ZNF263: variants seen among roughly 807,000 people sequenced by gnomAD.
ZNF263 encodes zinc finger protein 263.
ZNF263 carries 49 observed loss-of-function variants against 63.1 expected under a neutral mutation model. The ratio of observed to expected loss-of-function variants is 0.78; its 90% CI spans 0.62 to 0.99. The LOEUF (loss-of-function observed/expected upper bound fraction) is 0.99, where lower values mean the gene tolerates loss of function less well. ZNF263 is among the 50% of genes least tolerant of loss of function. The probability of loss-of-function intolerance (pLI) is 0.00; values close to 1 mark genes in which losing one functional copy is unlikely to be tolerated. For synonymous variants in ZNF263, 352 were observed against 324.2 expected (o/e 1.09, Z -0.92); for missense variants, 872 against 854.8 (o/e 1.02, Z -0.25).
chr16:3,284,964 G>C, intron 1 of ZNF263, 95 bp from the exon 2 acceptor site: 1 of 1,470,336 alleles, frequency 6.8e-7, no homozygotes, highest in Admixed American at 1.9e-5. Context: ...GATCGCCTGA[G>C]GTTCTCTGTT....
intron 1 of ZNF263, among the ~76,000 whole-genome samples, chr16:3,284,701 C>T (rs1959275209): frequency 1.3e-5 from 2 of 152,180 alleles, no homozygotes; most frequent in South Asian, 2.1e-4. Context: ...TAATTGTGAA[C>T]TTTGAAAGAT....
chr16:3,289,643 A>G lies in ZNF263; in HGVS notation c.1137A>G (p.Leu379=). The change falls in exon 6 of 6, where the codon TTA becomes TTG. Residue 379 remains leucine, a synonymous_variant. Transcript: ENST00000219069. ...PKELQPKKLH[L]CPLCGKNFSN... is the part of the protein sequence containing the mutation. ...AACTGCAGCCAAAGAAACTCCATTT[A>G]TGTCCCTTGTGTGGCAAAAATTTCT... is the stretch of plus-strand genomic sequence containing the variant. 1.2e-6 allele frequency: 2 copies of G among 1,614,230 alleles called. No homozygotes were observed. The highest frequency in any genetic ancestry group is 1.7e-6 in the Non-Finnish European group (2 of 1,180,044).
At chr16:3,300,227 G>A (rs767003342) in intron 2 of ZNF263, 46 of 1,614,044 alleles carry the variant, frequency 2.8e-5, no homozygotes, top group Non-Finnish European at 3.5e-5. Context: ...TGCCGATTTC[G>A]AAATCTAAAA....
At position 3,289,573 on chromosome 16, in the gene ZNF263, C is replaced by A. The variant is rs369060248; in HGVS notation, c.1067C>A (p.Ala356Asp). Residue 356 changes from alanine (A) to aspartate (D), a missense_variant, in exon 6 of 6, where the codon GCC becomes GAC. Transcript: ENST00000219069. Reference protein sequence around the residue: ...APPPEGGMEQALAGASSGREL... With the variant: ...APPPEGGMEQDLAGASSGREL... The stretch of plus-strand genomic sequence containing the variant: ...CCCCCAGAGGGTGGAATGGAGCAGG[C>A]CTTGGCAGGAGCCTCAAGTGGCAGA... 3.1e-6 allele frequency: 5 copies of A among 1,613,576 alleles called. No individual in the cohort carries two copies. Among genetic ancestry groups the A allele is most frequent in the Non-Finnish European group, 4.2e-6 (5 of 1,179,802 alleles).
downstream of ZNF263, among the ~76,000 whole-genome samples, chr16:3,294,091 A>G (rs1959684995): frequency 1.3e-5 from 2 of 152,020 alleles, no homozygotes; most frequent in Non-Finnish European, 2.9e-5. Flanking sequence ...ACGCCTGGCT[A>G]ATTTTTTCTA....
Position 3,288,496 on chromosome 16 carries a change from G to A in ZNF263, c.812G>A (p.Gly271Glu). 2.5e-6 allele frequency: 4 copies of A among 1,613,008 alleles called. No individual in the cohort carries two copies. The highest frequency in any genetic ancestry group is 3.4e-6 in the Non-Finnish European group (4 of 1,179,416). The change falls in exon 5 of 6, where the codon GGA becomes GAA. Residue 271 changes from glycine (G) to glutamate (E), a missense_variant. Transcript: ENST00000219069. ...CAGGAGGTCCCAGGCACCCAGGTGGGACAAGGAGGAAAGCTATGGGATCCC... is the reference window on the plus strand; with the variant it reads ...CAGGAGGTCCCAGGCACCCAGGTGGAACAAGGAGGAAAGCTATGGGATCCC... ...PSQEVPGTQV[G>E]QGGKLWDPSV...
chr16:3,300,411 C>T, intron 2 of ZNF263: 1 of 1,614,192 alleles, frequency 6.2e-7, no homozygotes. Flanking sequence ...TCCTCTTTCT[C>T]TTCTCAGCCC....
chr16:3,294,783 A>G (rs140704357), downstream of ZNF263, among the ~76,000 whole-genome samples: 46 of 152,362 alleles, frequency 3.0e-4, no homozygotes, highest in East Asian at 8.5e-3. Flanking sequence ...AAATGTCTCA[A>G]AAGATTCTGT....
intron 1 of ZNF263, among the ~76,000 whole-genome samples, chr16:3,284,580 G>A (rs1453291508): frequency 2.0e-5 from 3 of 152,224 alleles, no homozygotes; most frequent in Non-Finnish European, 4.4e-5. Context: ...CTTAGAGGGA[G>A]AGCAGCATGT....
Position 3,289,458 on chromosome 16 carries a change from G to A in ZNF263, c.952G>A (p.Val318Met). 6.5e-7 allele frequency: 1 copy of A among 1,531,334 alleles called. No homozygotes were observed. The highest frequency in any genetic ancestry group is 2.3e-5 in the East Asian group (1 of 44,300). 94.9% of individuals were successfully genotyped at this position (1,531,334 alleles called of 1,614,324 possible). A position where few individuals can be genotyped will look rare whatever the true frequency, so the allele number is the denominator to read the frequency against. ...ATGCTCTGAGAACATCCACCCTCAG[G>A]TGCTGCTTCCTGACCAGGCCCGAGG... ...SVCSENIHPQ[V>M]LLPDQARGEV... is the part of the protein sequence containing the mutation. Residue 318 changes from valine to methionine, a missense_variant, in exon 6 of 6, where the codon GTG (valine) becomes ATG (methionine). Transcript: ENST00000219069.
At chr16:3,284,511 G>T (rs1392596416) in intron 1 of ZNF263, among the ~76,000 whole-genome samples, 1 of 152,224 alleles carries the variant, frequency 6.6e-6, no homozygotes, top group Admixed American at 6.5e-5. Context: ...CAAGTTACTT[G>T]ATCTCTTTCG....
At chr16:3,295,170 C>T (rs2150776598), downstream of ZNF263, among the ~76,000 whole-genome samples, 1 of 152,322 alleles carries the variant, frequency 6.6e-6, no homozygotes, top group Non-Finnish European at 1.5e-5. Context: ...CATCGGCTCA[C>T]ACGCGGCCGG....
At chr16:3,300,034 C>A in intron 2 of ZNF263, 1 of 1,614,172 alleles carries the variant, frequency 6.2e-7, no homozygotes, top group Non-Finnish European at 8.5e-7. Flanking sequence ...ATCTTTCCTA[C>A]TTGCCTGAGA....
chr16:3,284,241 G>A, intron 1 of ZNF263, 36 bp downstream of exon 1: 5 of 1,498,988 alleles, frequency 3.3e-6, no homozygotes, highest in Non-Finnish European at 4.5e-6. Context: ...TCTGTGGTTT[G>A]TTTAGCCCTG....
downstream of ZNF263, among the ~76,000 whole-genome samples, chr16:3,294,678 C>T (rs1212774688): frequency 1.3e-5 from 2 of 152,128 alleles, no homozygotes; most frequent in East Asian, 1.9e-4. Flanking sequence ...AGTTCAACAA[C>T]GACAAAATGG....
At chr16:3,285,384 T>C in intron 2 of ZNF263, 145 bp downstream of exon 2, 3 of 1,028,090 alleles carry the variant, frequency 2.9e-6, no homozygotes, top group Non-Finnish European at 4.2e-6. Context: ...CTGCAGTTGG[T>C]GGTGTGGGTT....
chr16:3,300,595 T>G (rs375506385), intron 2 of ZNF263: 2 of 1,585,590 alleles, frequency 1.3e-6, no homozygotes, highest in African/African-American at 1.4e-5. Flanking sequence ...CAGTGTTGTA[T>G]ATTTCCCTCT....
At chr16:3,295,966 CG>C (rs1959735181), downstream of ZNF263, among the ~76,000 whole-genome samples, 1 of 152,214 alleles carries the variant, frequency 6.6e-6, no homozygotes, top group African/African-American at 2.4e-5. Flanking sequence ...CCCAAGGCAA[CG>C]GTCCAGGGAC....
chr16:3,294,801 C>G (rs1959701553), downstream of ZNF263, among the ~76,000 whole-genome samples: 1 of 152,212 alleles, frequency 6.6e-6, no homozygotes, highest in Non-Finnish European at 1.5e-5. Context: ...TGTCAGAAAT[C>G]CGGTGGCTCT....
Sources: allele counts gnomAD v4.1 joint callset (sites outside exome capture counted in the v4.1 genomes callset), GRCh38; gene constraint gnomAD v4.1.1; transcripts MANE v1.5; gene names NCBI Gene and HGNC (gene_info 2026-07-23, HGNC 2026-07-21).